DENND1A: variants seen among roughly 807,000 people sequenced by gnomAD.
DENND1A encodes the protein DENN domain-containing protein 1A.
In DENND1A, 51 loss-of-function variants were observed where a neutral mutation model predicts 113.7. The ratio of observed to expected loss-of-function variants is 0.45; its 90% CI spans 0.36 to 0.57. DENND1A has a LOEUF of 0.57. DENND1A is among the 20% of genes least tolerant of loss of function. DENND1A has a pLI of 0.00. For missense variants in DENND1A, 1,258 were observed against 1,395.9 expected, an observed-to-expected ratio of 0.90 and a Z score of 1.57; for synonymous variants, 565 against 570.8, an observed-to-expected ratio of 0.99 and a Z score of 0.14.
At chr9:123,721,762 G>C (rs2067356983) in intron 5 of DENND1A, among the ~76,000 whole-genome samples, 1 of 152,002 alleles carries the variant, frequency 6.6e-6, no homozygotes, top group Non-Finnish European at 1.5e-5. Context: ...ACTCCTTCTT[G>C]CCTTCCACCA....
At chr9:123,607,044 T>A (rs1297714228) in intron 11 of DENND1A, among the ~76,000 whole-genome samples, 1 of 152,154 alleles carries the variant, frequency 6.6e-6, no homozygotes, top group African/African-American at 2.4e-5. Flanking sequence ...GTGGAGAGAC[T>A]GTGCAGAACC....
At chr9:123,418,711 C>A (rs554187034) in intron 19 of DENND1A, among the ~76,000 whole-genome samples, 1 of 152,204 alleles carries the variant, frequency 6.6e-6, no homozygotes, top group Non-Finnish European at 1.5e-5. Context: ...CCTAAGCAGC[C>A]GCTGCACACT....
At chr9:123,555,933 C>T (rs1043183338) in intron 13 of DENND1A, among the ~76,000 whole-genome samples, 1 of 152,194 alleles carries the variant, frequency 6.6e-6, no homozygotes, top group Non-Finnish European at 1.5e-5. Flanking sequence ...TTCCCAGCAA[C>T]CCAAGCAAAG....
chr9:123,722,795 G>T (rs953578516), intron 5 of DENND1A, among the ~76,000 whole-genome samples: 7 of 152,272 alleles, frequency 4.6e-5, no homozygotes, highest in Admixed American at 1.3e-4. Context: ...CCAGGCAGAA[G>T]TTTGCTGCAG....
chr9:123,429,519 C>T (rs1301233211), intron 19 of DENND1A, among the ~76,000 whole-genome samples: 2 of 152,062 alleles, frequency 1.3e-5, no homozygotes, highest in Admixed American at 6.6e-5. Context: ...TGCATCACTG[C>T]CCCCCAGCCT....
intron 19 of DENND1A, among the ~76,000 whole-genome samples, chr9:123,419,982 C>T (rs1035129270): frequency 1.3e-5 from 2 of 152,230 alleles, no homozygotes; most frequent in Non-Finnish European, 1.5e-5. Context: ...TTGCCTGAGC[C>T]ACTCAGCGGG....
intron 5 of DENND1A, among the ~76,000 whole-genome samples, chr9:123,684,292 A>T (rs1589656925): frequency 1.3e-5 from 2 of 152,082 alleles, no homozygotes; most frequent in Non-Finnish European, 2.9e-5. Flanking sequence ...AGTCTGCTCC[A>T]AACATTTTTC....
Position 123,452,281 on chromosome 9 carries a change from T to C in DENND1A, c.1294A>G (p.Lys432Glu), listed in dbSNP as rs868186860. Residue 432 changes from lysine (K) to glutamate (E), a missense_variant, in exon 17 of 24, where the codon AAG becomes GAG. This residue lies in a region of DENND1A where 1,159 missense variants were observed against 1,231.7 expected (regional missense o/e 0.94). Transcript: ENST00000394215. ...ACAGCAAGACCAGTACTTACGAACTTGTAGACAGTCTTCATGGCCGGATTT... is the reference window on the plus strand; with the variant it reads ...ACAGCAAGACCAGTACTTACGAACTCGTAGACAGTCTTCATGGCCGGATTT... ...KANPAMKTVYKFAKDHAKMGI... is the reference protein window; with the variant it reads ...KANPAMKTVYEFAKDHAKMGI... 6.2e-7 allele frequency: 1 copy of C among 1,614,220 alleles called. No individual in the cohort carries two copies. Among genetic ancestry groups the C allele is most frequent in the Non-Finnish European group, 8.5e-7 (1 of 1,180,026 alleles).
chr9:123,435,631 G>C (rs577810941), intron 19 of DENND1A, among the ~76,000 whole-genome samples: 1 of 152,368 alleles, frequency 6.6e-6, no homozygotes, highest in South Asian at 2.1e-4. Flanking sequence ...GAAATACAAA[G>C]AAGGGGGCCC....
chr9:123,786,924 T>C lies in DENND1A; in HGVS notation c.132+5663A>G, dbSNP rs541930302. ...TGACAACACCCACTTTGGAAAAGAA[T>C]TAAAAAAAAAACAAGAAAGCTCAAA... On this transcript the variant is annotated intron_variant, in intron 3 of 23. Transcript: ENST00000394215. Among the ~76,000 whole-genome samples, 68 of 151,674 alleles carry C rather than the reference T, an allele frequency of 4.5e-4. 2 individuals are homozygous for C. The South Asian group carries it at 0.013, about 29-fold the overall frequency.
chr9:123,878,356 T>TTTAGG (rs1554798635), intron 2 of DENND1A, among the ~76,000 whole-genome samples: 1 of 151,584 alleles, frequency 6.6e-6, no homozygotes, highest in African/African-American at 2.4e-5. Flanking sequence ...CAAGAAAGAT[T>TTTAGG]TTAAGAAGAA....
At chr9:123,818,567 C>CATATATAT (rs148656992) in intron 2 of DENND1A, among the ~76,000 whole-genome samples, 38 of 42,050 alleles carry the variant, frequency 9.0e-4, no homozygotes, top group African/African-American at 1.5e-3. Flanking sequence ...CACACACACA[C>CATATATAT]ATATATATAT....
At chr9:123,923,378 T>G (rs544040799) in intron 1 of DENND1A, among the ~76,000 whole-genome samples, 7 of 152,188 alleles carry the variant, frequency 4.6e-5, no homozygotes, top group Non-Finnish European at 7.4e-5. Flanking sequence ...CCACTCCAAG[T>G]CTCTCTACAT....
intron 5 of DENND1A, among the ~76,000 whole-genome samples, chr9:123,749,430 TG>T (rs2069810459): frequency 6.6e-6 from 1 of 152,224 alleles, no homozygotes; most frequent in African/African-American, 2.4e-5. Flanking sequence ...GTATAAATTT[TG>T]GGTTGGATTT....
chr9:123,583,818 A>C (rs188403977), intron 11 of DENND1A, among the ~76,000 whole-genome samples: 1 of 152,310 alleles, frequency 6.6e-6, no homozygotes, highest in African/African-American at 2.4e-5. Flanking sequence ...TTTTCCACAG[A>C]TATCCAGTTA....
chr9:123,637,953 G>A (rs867456875), intron 9 of DENND1A, among the ~76,000 whole-genome samples: 2 of 147,780 alleles, frequency 1.4e-5, no homozygotes, highest in Non-Finnish European at 3.0e-5. Context: ...ACACACACGC[G>A]CACACACACA....
intron 13 of DENND1A, among the ~76,000 whole-genome samples, chr9:123,523,952 AAGGAAACAAGAGAGC>A (rs2054598971): frequency 6.6e-6 from 1 of 152,184 alleles, no homozygotes; most frequent in African/African-American, 2.4e-5. Context: ...TCTAACAATT[AAGGAAACAAGAGAGC>A]AGGCCCTTTT....
chr9:123,718,051 A>T (rs1188520385), intron 5 of DENND1A, among the ~76,000 whole-genome samples: 2 of 152,202 alleles, frequency 1.3e-5, no homozygotes, highest in Non-Finnish European at 1.5e-5. Context: ...GGTGTATGTT[A>T]TGTCTGTCTG....
intron 9 of DENND1A, among the ~76,000 whole-genome samples, chr9:123,646,093 T>G (rs988780773): frequency 2.0e-5 from 3 of 152,226 alleles, no homozygotes; most frequent in Non-Finnish European, 4.4e-5. Flanking sequence ...CTTAATAAAC[T>G]GGACAATAAA....
Sources: gnomAD v4.1 joint callset for allele counts (sites outside exome capture counted in the v4.1 genomes callset) on GRCh38, gnomAD v4.1.1 for gene constraint, gnomAD v4.1.1 regional missense constraint, MANE v1.5 for transcripts, NCBI Gene and HGNC (gene_info 2026-07-23, HGNC 2026-07-21) for gene names.